Variants in ZFHX3 observed in about 807,000 individuals in gnomAD.
The protein encoded by ZFHX3 is zinc finger homeobox protein 3.
ZFHX3 carries 42 observed loss-of-function variants against 279.1 expected under a neutral mutation model. The ratio of observed to expected loss-of-function variants is 0.15; its 90% CI spans 0.12 to 0.19. The LOEUF (loss-of-function observed/expected upper bound fraction) is 0.19. Ranked by LOEUF, ZFHX3 falls within the 10% of genes least tolerant of loss-of-function variation. The pLI is 1.00. For missense variants in ZFHX3, 4,981 were observed against 4,754.0 expected (o/e 1.05, Z -1.40); for synonymous variants, 2,293 against 1,957.8 (o/e 1.17, Z -4.52).
At chr16:73,248,965 A>T (rs2013395558) in intron 5 of ZFHX3, among the ~76,000 whole-genome samples, 1 of 152,158 alleles carries the variant, frequency 6.6e-6, no homozygotes, top group Admixed American at 6.5e-5. Flanking sequence ...CATTTTCATT[A>T]GATTGGGAAT....
At chr16:73,789,206 A>G (rs1959752158) in intron 1 of ZFHX3, among the ~76,000 whole-genome samples, 1 of 151,628 alleles carries the variant, frequency 6.6e-6, no homozygotes, top group Admixed American at 6.6e-5. Flanking sequence ...TTTGAGATGG[A>G]GTCTCACTCT....
chr16:73,111,403 G>A (rs1966371636), intron 7 of ZFHX3, among the ~76,000 whole-genome samples: 2 of 152,174 alleles, frequency 1.3e-5, no homozygotes, highest in African/African-American at 4.8e-5. Context: ...AAACATTAAA[G>A]AATCAAATAC....
At chr16:73,603,964 A>G (rs2052151665) in intron 2 of ZFHX3, among the ~76,000 whole-genome samples, 1 of 151,752 alleles carries the variant, frequency 6.6e-6, no homozygotes, top group Non-Finnish European at 1.5e-5. Context: ...TTTCCAGTAG[A>G]GATAGTGTTT....
chr16:73,148,048 C>CTA (rs764625577), intron 5 of ZFHX3, among the ~76,000 whole-genome samples: 1 of 152,218 alleles, frequency 6.6e-6, no homozygotes, highest in Non-Finnish European at 1.5e-5. Flanking sequence ...GCTTAGCAAG[C>CTA]TATGGCTGGC....
At chr16:72,831,300 A>G (rs905968983) in intron 4 of ZFHX3, among the ~76,000 whole-genome samples, 1 of 152,182 alleles carries the variant, frequency 6.6e-6, no homozygotes, top group African/African-American at 2.4e-5. Context: ...AACTAGTGTC[A>G]CGGAACGTTC....
At chr16:73,733,440 CAG>C (rs2053585098) in intron 1 of ZFHX3, among the ~76,000 whole-genome samples, 1 of 152,124 alleles carries the variant, frequency 6.6e-6, no homozygotes, top group African/African-American at 2.4e-5. Flanking sequence ...TCAGTAAAAA[CAG>C]ATGTTAAAAT....
chr16:73,672,585 G>A (rs529004680), intron 2 of ZFHX3, among the ~76,000 whole-genome samples: 2 of 151,976 alleles, frequency 1.3e-5, no homozygotes, highest in East Asian at 1.9e-4. Context: ...TAGAAACTGA[G>A]CATCATAAAA....
chr16:73,714,962 GTCTC>G (rs1187144305), intron 1 of ZFHX3, among the ~76,000 whole-genome samples: 1 of 151,972 alleles, frequency 6.6e-6, no homozygotes, highest in African/African-American at 2.4e-5. Flanking sequence ...TAAAGTCCGG[GTCTC>G]TCTCTCTCTG....
At chr16:73,046,606 C>T (rs1343999155) in intron 1 of ZFHX3, among the ~76,000 whole-genome samples, 2 of 152,078 alleles carry the variant, frequency 1.3e-5, no homozygotes, top group African/African-American at 2.4e-5. Flanking sequence ...CAAACTCGCA[C>T]CTGCTGCTTG....
intron 3 of ZFHX3, among the ~76,000 whole-genome samples, chr16:73,452,042 G>T (rs951915328): frequency 6.6e-6 from 1 of 152,166 alleles, no homozygotes; most frequent in Admixed American, 6.5e-5. Context: ...AGTACACAAA[G>T]AGCTGAGAGT....
chr16:73,813,434 T>A (rs1407255474), intron 1 of ZFHX3, among the ~76,000 whole-genome samples: 1 of 152,002 alleles, frequency 6.6e-6, no homozygotes, highest in South Asian at 2.1e-4. Context: ...ATTGGCTGCA[T>A]AGGTGAAAAT....
intron 4 of ZFHX3, among the ~76,000 whole-genome samples, chr16:72,860,012 G>A (rs1035256999): frequency 3.3e-5 from 5 of 152,194 alleles, no homozygotes; most frequent in South Asian, 2.1e-4. Context: ...AAGGGGTGGC[G>A]AGTTCTTATT....
At chr16:73,404,239 G>A (rs2017315674) in intron 3 of ZFHX3, among the ~76,000 whole-genome samples, 1 of 152,138 alleles carries the variant, frequency 6.6e-6, no homozygotes, top group South Asian at 2.1e-4. Context: ...CTGGACTGTA[G>A]CCTCTGGACA....
At chr16:73,033,963 T>C (rs1300045410) in intron 1 of ZFHX3, among the ~76,000 whole-genome samples, 2 of 152,162 alleles carry the variant, frequency 1.3e-5, no homozygotes, top group Non-Finnish European at 2.9e-5. Flanking sequence ...CATTTCACAG[T>C]GGCGCTTTCT....
chr16:73,222,651 ATT>A (rs2012460401), intron 5 of ZFHX3, among the ~76,000 whole-genome samples: 1 of 152,132 alleles, frequency 6.6e-6, no homozygotes, highest in South Asian at 2.1e-4. Flanking sequence ...TCCCAACATG[ATT>A]TATAGATTCA....
At chr16:73,661,563 A>G (rs2052784675) in intron 2 of ZFHX3, among the ~76,000 whole-genome samples, 1 of 152,148 alleles carries the variant, frequency 6.6e-6, no homozygotes, top group Admixed American at 6.5e-5. Flanking sequence ...TCTACAAAAA[A>G]TACAAAAAAT....
At chr16:73,200,225 G>T (rs557919805) in intron 5 of ZFHX3, among the ~76,000 whole-genome samples, 2 of 152,154 alleles carry the variant, frequency 1.3e-5, no homozygotes, top group South Asian at 4.2e-4. Context: ...GTATTAAATT[G>T]GTGGAATTTC....
At chr16:73,702,157 C>T (rs140746245) in intron 1 of ZFHX3, among the ~76,000 whole-genome samples, 1 of 152,158 alleles carries the variant, frequency 6.6e-6, no homozygotes, top group African/African-American at 2.4e-5. Flanking sequence ...GTAATAACAA[C>T]CGCACCCCCC....
At chr16:73,068,161 C>G (rs1965778864) in intron 8 of ZFHX3, among the ~76,000 whole-genome samples, 1 of 152,154 alleles carries the variant, frequency 6.6e-6, no homozygotes, top group Non-Finnish European at 1.5e-5. Context: ...ATACCAGATT[C>G]AGAGAGGTTA....
Sources: allele counts gnomAD v4.1 joint callset (sites outside exome capture counted in the v4.1 genomes callset), GRCh38; gene constraint gnomAD v4.1.1; transcripts MANE v1.5; gene names NCBI Gene and HGNC (gene_info 2026-07-23, HGNC 2026-07-21).